The following VPS13D variants were observed in gnomAD, a reference collection of about 807,000 sequenced individuals.
VPS13D encodes intermembrane lipid transfer protein VPS13D.
VPS13D carries 187 observed loss-of-function variants against 461.9 expected under a neutral mutation model. That is an observed-to-expected ratio of 0.40 (90% CI 0.36 to 0.46). VPS13D has a LOEUF of 0.46. Ranked by LOEUF, VPS13D falls within the 20% of genes least tolerant of loss-of-function variation. VPS13D has a pLI of 0.60. For synonymous variants in VPS13D, 1,951 were observed against 1,986.3 expected (o/e 0.98, Z 0.47); for missense variants, 4,711 against 5,364.9 (o/e 0.88, Z 3.81).
chr1:12,425,898 CTT>C (rs1377451702), intron 65 of VPS13D, among the ~76,000 whole-genome samples: 1 of 152,212 alleles, frequency 6.6e-6, no homozygotes, highest in African/African-American at 2.4e-5. Flanking sequence ...CAGGTATAAT[CTT>C]TTACCAAACT....
chr1:12,253,186 C>T (rs752782856), intron 6 of VPS13D, among the ~76,000 whole-genome samples: 20 of 151,108 alleles, frequency 1.3e-4, no homozygotes, highest in Admixed American at 2.0e-4. Flanking sequence ...TTCTGTATAA[C>T]AATGATTTAC....
chr1:12,254,479 A>G (rs1207745157), intron 7 of VPS13D, among the ~76,000 whole-genome samples: 1 of 120,608 alleles, frequency 8.3e-6, no homozygotes, highest in African/African-American at 3.3e-5. Context: ...CATCAGATAT[A>G]TTATTGTTTG....
In VPS13D at chr1:12,436,190, A is replaced by G. The variant is rs17038028; in HGVS notation, c.12333+19363A>G. 2.6e-5 allele frequency among the ~76,000 whole-genome samples: 4 copies of G among 152,308 alleles called. No individual in the cohort carries two copies. The East Asian group carries it at 5.8e-4, about 22-fold the overall frequency. On this transcript the variant is annotated intron_variant, in intron 65 of 69. Coordinates refer to ENST00000620676, the MANE Select transcript of VPS13D (RefSeq NM_015378.4). ...ACTTGCAGTCACACACATGTGGGAA[A>G]GTGTTCCAGGTTTGAGTTTGGTGTC...
At chr1:12,465,162 G>T (rs1305747840) in intron 67 of VPS13D, 1 of 152,256 alleles carries the variant, frequency 6.6e-6, no homozygotes, top group African/African-American at 2.4e-5. Context: ...CCTTTGAGAA[G>T]AAAGGAATGT....
intron 69 of VPS13D, 25 bp from the exon 70 acceptor site, chr1:12,508,868 T>G (rs762382713): frequency 6.2e-7 from 1 of 1,609,090 alleles, no homozygotes; most frequent in South Asian, 1.1e-5. Flanking sequence ...TGGGGACAGG[T>G]GACCCATCCT....
chr1:12,370,002 T>G (rs1215521415), intron 54 of VPS13D, among the ~76,000 whole-genome samples: 2 of 152,252 alleles, frequency 1.3e-5, no homozygotes, highest in Non-Finnish European at 2.9e-5. Flanking sequence ...GCCTGTTTCC[T>G]CTTTTGAAAC....
At chr1:12,425,084 G>C (rs1401508470) in intron 65 of VPS13D, among the ~76,000 whole-genome samples, 2 of 152,102 alleles carry the variant, frequency 1.3e-5, no homozygotes, top group Non-Finnish European at 2.9e-5. Context: ...CAAACTTTAA[G>C]TGAGATAAAA....
intron 65 of VPS13D, among the ~76,000 whole-genome samples, chr1:12,452,121 A>G (rs896550632): frequency 6.6e-6 from 1 of 152,174 alleles, no homozygotes; most frequent in Non-Finnish European, 1.5e-5. Context: ...GACAGAAACC[A>G]CTTCTGATTT....
rs551152186 is a variant in VPS13D, at chr1:12,318,302, A to C, written c.7379A>C (p.Asn2460Thr). The change falls in exon 31 of 70, where the codon AAT becomes ACT. Residue 2460 changes from asparagine (N) to threonine (T), a missense_variant. Physicochemically the swap from Asn to Thr is moderately conservative, Grantham distance 65. Around this residue, in one of 3 missense-constraint regions of VPS13D, gnomAD observed 4,411 missense variants for 4,937.8 expected, o/e 0.89. Transcript: ENST00000620676. ...VTKRSSLPVS[N>T]ERHLEVKVNV... The stretch of plus-strand genomic sequence containing the variant: ...AAGCGGTCTTCCCTTCCTGTGTCCA[A>C]TGAAAGGCACCTGGAGGTCAAGGTC... The C allele has an allele frequency of 5.0e-6, 8 of 1,612,516 alleles. No individual in the cohort carries two copies.
intron 57 of VPS13D, among the ~76,000 whole-genome samples, chr1:12,381,927 TTTCTTTCTTTCTTTC>T (rs1442164414): frequency 0.026 from 737 of 28,760 alleles, 9 homozygotes; most frequent in African/African-American, 0.039. Flanking sequence ...TTTTCTTTTC[TTTCTTTCTTTCTTTC>T]TTTCTTTCTT....
At chr1:12,492,091 A>G (rs138078126) in intron 67 of VPS13D, among the ~76,000 whole-genome samples, 20 of 152,324 alleles carry the variant, frequency 1.3e-4, no homozygotes, top group African/African-American at 4.8e-4. Context: ...GAATTATTGT[A>G]TCAAGACCCT....
intron 32 of VPS13D, among the ~76,000 whole-genome samples, chr1:12,320,235 G>A (rs757046811): frequency 9.2e-5 from 14 of 152,140 alleles, no homozygotes; most frequent in East Asian, 1.9e-4. Context: ...TTTGTAGCTC[G>A]GAAATGTCAT....
intron 61 of VPS13D, 66 bp from the exon 62 acceptor site, chr1:12,401,542 C>T (rs1644581055): frequency 7.8e-7 from 1 of 1,286,758 alleles, no homozygotes; most frequent in Non-Finnish European, 1.1e-6. Context: ...TTGAGGCCTT[C>T]TTAATAGCAC....
At chr1:12,398,417 C>T (rs552491889) in intron 60 of VPS13D, among the ~76,000 whole-genome samples, 8 of 149,314 alleles carry the variant, frequency 5.4e-5, no homozygotes, top group East Asian at 3.9e-4. Context: ...AATTTAACTT[C>T]ATTAAGCTTC....
At chr1:12,315,909 C>T (rs541340194) in intron 30 of VPS13D, among the ~76,000 whole-genome samples, 9 of 152,204 alleles carry the variant, frequency 5.9e-5, no homozygotes, top group African/African-American at 1.2e-4. Flanking sequence ...CTCCGCCTCC[C>T]GGGTTCAAGT....
chr1:12,293,768 T>C (rs1415359245), intron 24 of VPS13D, 64 bp downstream of exon 24: 4 of 1,518,448 alleles, frequency 2.6e-6, no homozygotes, highest in African/African-American at 1.4e-5. Flanking sequence ...CTTTTAGGCC[T>C]CTAGAGATGA....
chr1:12,355,224 A>G (rs1643875357), intron 47 of VPS13D, among the ~76,000 whole-genome samples: 1 of 152,182 alleles, frequency 6.6e-6, no homozygotes, highest in Admixed American at 6.5e-5. Context: ...AATCTTGTCT[A>G]CCTATTAAGT....
intron 67 of VPS13D, among the ~76,000 whole-genome samples, chr1:12,461,011 A>G (rs1386576917): frequency 6.6e-6 from 1 of 152,214 alleles, no homozygotes; most frequent in African/African-American, 2.4e-5. Context: ...TGAGACTGGA[A>G]ATCAGGGACA....
chr1:12,471,975 A>G (rs181812782), intron 67 of VPS13D, among the ~76,000 whole-genome samples: 1 of 152,284 alleles, frequency 6.6e-6, no homozygotes, highest in Non-Finnish European at 1.5e-5. Flanking sequence ...ACTCTTCTGT[A>G]TGTGTACAAA....
Sources: gnomAD v4.1 joint callset for allele counts (sites outside exome capture counted in the v4.1 genomes callset) on GRCh38, gnomAD v4.1.1 for gene constraint, gnomAD v4.1.1 regional missense constraint, MANE v1.5 for transcripts, NCBI Gene and HGNC (gene_info 2026-07-23, HGNC 2026-07-21) for gene names.